The following COL18A1 variants were observed in gnomAD, a reference collection of about 807,000 sequenced individuals.
The protein encoded by COL18A1 is collagen type XVIII alpha 1 chain.
Under a neutral mutation model 168.0 loss-of-function variants are expected in COL18A1, and 133 were observed. That is an observed-to-expected ratio of 0.79 (90% CI 0.69 to 0.91). The LOEUF is 0.91. Among genes scored for constraint, COL18A1 ranks in the 40% least tolerant of loss-of-function variants. COL18A1 has a pLI of 0.00. For synonymous variants in COL18A1, 949 were observed against 809.0 expected, an observed-to-expected ratio of 1.17 and a Z score of -2.94; for missense variants, 2,126 against 1,925.4, an observed-to-expected ratio of 1.10 and a Z score of -1.95.
At chr21:45,414,328 C>T (rs28591305) in intron 2 of COL18A1, among the ~76,000 whole-genome samples, 279 of 152,348 alleles carry the variant, frequency 1.8e-3, no homozygotes, top group African/African-American at 6.4e-3. Flanking sequence ...CTGATCCCCT[C>T]GGGGCAGCAG....
At chr21:45,416,426 G>A (rs1569275652) in intron 2 of COL18A1, among the ~76,000 whole-genome samples, 1 of 152,162 alleles carries the variant, frequency 6.6e-6, no homozygotes, top group Non-Finnish European at 1.5e-5. Flanking sequence ...TGGGGACCGC[G>A]AGGCTCCGCA....
At chr21:45,502,388 T>C (rs949871945) in intron 32 of COL18A1, 4 of 152,210 alleles carry the variant, frequency 2.6e-5, no homozygotes, top group African/African-American at 7.2e-5. Flanking sequence ...GTTGACAAAA[T>C]TACAGCTTTA....
intron 33 of COL18A1, 74 bp downstream of exon 33, chr21:45,504,128 T>C (rs376124342): frequency 3.3e-6 from 5 of 1,537,100 alleles, no homozygotes; most frequent in Middle Eastern, 4.0e-4. Context: ...TCCCAATTTC[T>C]CGCCCCATCC....
intron 2 of COL18A1, among the ~76,000 whole-genome samples, chr21:45,455,315 A>G (rs1202473687): frequency 6.6e-6 from 1 of 152,252 alleles, no homozygotes; most frequent in Non-Finnish European, 1.5e-5. Context: ...GTGGGAAAGA[A>G]GTTATAAATC....
chr21:45,460,715 A>T (rs2145869252), intron 2 of COL18A1, among the ~76,000 whole-genome samples: 1 of 151,722 alleles, frequency 6.6e-6, no homozygotes, highest in Middle Eastern at 3.4e-3. Context: ...AAGGGAGAAG[A>T]CCACTCTGGG....
Position 45,457,011 on chromosome 21 carries a change from C to T in COL18A1, c.107-11231C>T, listed in dbSNP as rs1214247664. The stretch of plus-strand genomic sequence containing the variant: ...TCTACGTTCAGGGGCCCGTGGCCCT[C>T]GGGAGGTGGGAGAGCTGGGAGTGAG... On this transcript the variant is annotated intron_variant, in intron 2 of 41. Coordinates refer to ENST00000651438, the MANE Select transcript of COL18A1 (RefSeq NM_001379500.1). This position sits in a 1 kb window ranked among gnomAD's most constrained non-coding sequence, Gnocchi z 4.6. 4 of 765,784 alleles carry T rather than the reference C, an allele frequency of 5.2e-6. No individual in the cohort carries two copies. The highest frequency in any genetic ancestry group is 1.9e-5 in the African/African-American group (1 of 53,996). 47.4% of individuals were successfully genotyped at this position (765,784 alleles called of 1,614,324 possible). A position where few individuals can be genotyped will look rare whatever the true frequency, so the allele number is the denominator to read the frequency against.
At position 45,505,235 on chromosome 21, in the gene COL18A1, A is replaced by AGGCCCCCCC. The variant is rs762697655; in HGVS notation, c.2978_2979insCGGCCCCCC (p.Gly994_Pro996dup). The AGGCCCCCCC allele has an allele frequency of 0.02, 31,281 of 1,594,536 alleles. 991 individuals carry two copies. The highest frequency in any genetic ancestry group is 0.14 in the African/African-American group (10,540 of 74,198). On this transcript the variant is annotated inframe_insertion, in exon 35 of 42. Transcript: ENST00000651438. ...GGCGCCAGGGCCCTCCCGGCCCCCCAGGCCCCCCAGGGCCCCCTTCATTTC... is the reference window on the plus strand; with the variant it reads ...GGCGCCAGGGCCCTCCCGGCCCCCCAGGCCCCCCCGGCCCCCCAGGGCCCCCTTCATTTC...
intron 2 of COL18A1, among the ~76,000 whole-genome samples, chr21:45,409,227 C>T (rs913110348): frequency 4.6e-5 from 7 of 152,308 alleles, no homozygotes; most frequent in Non-Finnish European, 7.4e-5. Context: ...AACCCCACAG[C>T]GAGATTTCAG....
chr21:45,492,820 G>A lies in COL18A1; in HGVS notation c.2214+107G>A. On this transcript the variant is annotated intron_variant, in intron 24 of 41. Coordinates refer to ENST00000651438, the MANE Select transcript of COL18A1 (RefSeq NM_001379500.1). ...CTGGGGTGGGCCTTGTCAGGCCCGA[G>A]GGATAGCGACAGTCACTGCCCCCAA... 4.5e-6 allele frequency: 4 copies of A among 880,610 alleles called. 1 individual carries two copies. In the South Asian group the frequency reaches 5.3e-5, roughly 12 times the overall value. The allele number at this position is 880,610 out of a possible 1,614,324, so 54.5% of individuals were successfully genotyped here.
rs1238388993 is a variant in COL18A1, at chr21:45,495,236, A to C, written c.2434-122A>C. On this transcript the variant is annotated intron_variant, in intron 28 of 41. Coordinates refer to ENST00000651438, the MANE Select transcript of COL18A1 (RefSeq NM_001379500.1). ...GGGCCGGGGTAGCCTGAGAGCTGGG[A>C]ACGTGTGAGGCTGAGCGTGGGCCGG... The C allele has an allele frequency of 5.0e-6, 4 of 807,912 alleles. No individual in the cohort carries two copies. The Admixed American group carries it at 8.0e-5, about 16-fold the overall frequency. 50.0% of individuals were successfully genotyped at this position (807,912 alleles called of 1,614,324 possible). A position where few individuals can be genotyped will look rare whatever the true frequency, so the allele number is the denominator to read the frequency against.
chr21:45,476,658 TGTGTG>T (rs1239777108), intron 6 of COL18A1, among the ~76,000 whole-genome samples, 178 bp downstream of exon 6: 3 of 150,878 alleles, frequency 2.0e-5, no homozygotes, highest in Non-Finnish European at 4.4e-5. Flanking sequence ...AGGTGTTTGA[TGTGTG>T]GTGTGTGATG....
intron 25 of COL18A1, 88 bp from the exon 26 acceptor site, chr21:45,493,412 AG>A: frequency 7.4e-7 from 1 of 1,353,170 alleles, no homozygotes; most frequent in Non-Finnish European, 1.0e-6. Flanking sequence ...TGCGAGGCCC[AG>A]TCACAGCGGC....
intron 2 of COL18A1, among the ~76,000 whole-genome samples, chr21:45,430,584 C>T (rs558498324): frequency 1.2e-4 from 19 of 152,256 alleles, no homozygotes; most frequent in East Asian, 7.7e-4. Context: ...TTGGTGACCC[C>T]GGGTCCGGTT....
intron 2 of COL18A1, among the ~76,000 whole-genome samples, chr21:45,416,048 A>G (rs1045816094): frequency 7.9e-5 from 12 of 152,026 alleles, no homozygotes; most frequent in African/African-American, 2.9e-4. Flanking sequence ...GCCCAGCAAC[A>G]CCGGGCAGGT....
chr21:45,416,422 C>G (rs916352490), intron 2 of COL18A1, among the ~76,000 whole-genome samples: 3 of 152,002 alleles, frequency 2.0e-5, no homozygotes, highest in African/African-American at 7.3e-5. Context: ...GGTGTGGGGA[C>G]CGCGAGGCTC....
At chr21:45,437,151 C>T (rs1378668975) in intron 2 of COL18A1, among the ~76,000 whole-genome samples, 1 of 109,120 alleles carries the variant, frequency 9.2e-6, no homozygotes, top group Non-Finnish European at 1.8e-5. Context: ...CACACACTCA[C>T]ACTCAGACAC....
chr21:45,495,470 G>C, intron 29 of COL18A1, 38 bp downstream of exon 29: 1 of 1,552,032 alleles, frequency 6.4e-7, no homozygotes, highest in Non-Finnish European at 8.8e-7. Flanking sequence ...GTGGCTGGGA[G>C]ACCAGGACCT....
chr21:45,469,120 T>C (rs1019816050), intron 3 of COL18A1, among the ~76,000 whole-genome samples: 2 of 152,154 alleles, frequency 1.3e-5, no homozygotes, highest in Non-Finnish European at 2.9e-5. Flanking sequence ...TTTGAACGAC[T>C]TTGTAACTAG....
chr21:45,501,744 C>A (rs11702312), intron 32 of COL18A1, among the ~76,000 whole-genome samples: 686 of 64,480 alleles, frequency 0.011, 5 homozygotes, highest in Middle Eastern at 0.036. Context: ...AGGGGCTCCA[C>A]AGCCGGTCAC....
Sources: allele counts gnomAD v4.1 joint callset (sites outside exome capture counted in the v4.1 genomes callset), GRCh38; gene constraint gnomAD v4.1.1; non-coding constraint Gnocchi (gnomAD v3.1); transcripts MANE v1.5; gene names NCBI Gene and HGNC (gene_info 2026-07-23, HGNC 2026-07-21).